ARID1B: variants seen among roughly 807,000 people sequenced by gnomAD.
ARID1B encodes AT-rich interactive domain-containing protein 1B.
Under a neutral mutation model 212.3 loss-of-function variants are expected in ARID1B, and 30 were observed. That is an observed-to-expected ratio of 0.14 (90% CI 0.11 to 0.19). The LOEUF (loss-of-function observed/expected upper bound fraction) is 0.19. ARID1B is among the 10% of genes least tolerant of loss of function. ARID1B has a pLI of 1.00. For missense variants in ARID1B, 2,891 were observed against 3,204.0 expected, an observed-to-expected ratio of 0.90 and a Z score of 2.36; for synonymous variants, 1,402 against 1,301.7, an observed-to-expected ratio of 1.08 and a Z score of -1.66.
chr6:157,105,490 G>T (rs1786396762), intron 5 of ARID1B, among the ~76,000 whole-genome samples: 1 of 152,148 alleles, frequency 6.6e-6, no homozygotes, highest in South Asian at 2.1e-4. Flanking sequence ...AACGTAAGCA[G>T]AAAAATAGGA....
At chr6:156,969,753 C>T (rs1420807596) in intron 4 of ARID1B, among the ~76,000 whole-genome samples, 2 of 152,134 alleles carry the variant, frequency 1.3e-5, no homozygotes, top group African/African-American at 2.4e-5. Flanking sequence ...CTCTGGAACA[C>T]TTATTAAAAT....
chr6:156,969,077 G>A (rs1193236119), intron 4 of ARID1B, among the ~76,000 whole-genome samples: 1 of 152,174 alleles, frequency 6.6e-6, no homozygotes, highest in Non-Finnish European at 1.5e-5. Flanking sequence ...CAGAGGCTGA[G>A]GATTTAACTT....
intron 5 of ARID1B, among the ~76,000 whole-genome samples, chr6:157,097,496 ATT>A (rs141109898): frequency 0.054 from 8,295 of 152,242 alleles, 418 homozygotes; most frequent in Non-Finnish European, 0.073. Context: ...CACGTGCTAT[ATT>A]CTCTTTTAGG....
chr6:156,985,811 T>C (rs1169658832), intron 4 of ARID1B, among the ~76,000 whole-genome samples: 2 of 152,180 alleles, frequency 1.3e-5, no homozygotes, highest in Admixed American at 6.5e-5. Flanking sequence ...TATCTAAATA[T>C]CATCATCCTG....
At chr6:157,114,913 A>G (rs1428433729) in intron 6 of ARID1B, among the ~76,000 whole-genome samples, 4 of 152,120 alleles carry the variant, frequency 2.6e-5, no homozygotes, top group African/African-American at 9.7e-5. Flanking sequence ...AAGTCCCCCC[A>G]GTTTCAAGTA....
intron 2 of ARID1B, among the ~76,000 whole-genome samples, chr6:156,851,427 TC>T (rs1479526022): frequency 1.3e-5 from 2 of 152,254 alleles, no homozygotes; most frequent in Non-Finnish European, 2.9e-5. Context: ...AAGAATGTTT[TC>T]TGGAAGGGAT....
chr6:157,022,122 C>T (rs2128477111), intron 4 of ARID1B, among the ~76,000 whole-genome samples: 1 of 151,698 alleles, frequency 6.6e-6, no homozygotes, highest in Admixed American at 6.6e-5. Context: ...GAGCCCAGGC[C>T]GCCAAGAACA....
chr6:157,070,682 A>G (rs1783956363), intron 4 of ARID1B, among the ~76,000 whole-genome samples: 1 of 152,098 alleles, frequency 6.6e-6, no homozygotes, highest in Non-Finnish European at 1.5e-5. Context: ...CCTGGCCTTT[A>G]TGTGTTTATT....
At chr6:156,884,707 G>A (rs73574057) in intron 2 of ARID1B, among the ~76,000 whole-genome samples, 6,523 of 152,252 alleles carry the variant, frequency 0.043, 495 homozygotes, top group African/African-American at 0.14. Flanking sequence ...GAAGAGCAAT[G>A]GAAAAAGGTT....
At chr6:157,135,962 C>G (rs1168534503) in intron 7 of ARID1B, among the ~76,000 whole-genome samples, 1 of 125,300 alleles carries the variant, frequency 8.0e-6, no homozygotes, top group Non-Finnish European at 1.8e-5. Context: ...TCTGGTTTTG[C>G]TTTTTTAAAG....
chr6:157,197,972 T>C (rs1242986642), intron 16 of ARID1B, among the ~76,000 whole-genome samples: 2 of 152,230 alleles, frequency 1.3e-5, no homozygotes, highest in Admixed American at 1.3e-4. Flanking sequence ...TATTTGTTTT[T>C]ATTATTCTCA....
chr6:156,818,411 A>G (rs1431412450), intron 1 of ARID1B, among the ~76,000 whole-genome samples: 1 of 152,168 alleles, frequency 6.6e-6, no homozygotes, highest in Non-Finnish European at 1.5e-5. Flanking sequence ...TATTGATAAA[A>G]TAGTTGGAAA....
At chr6:157,176,906 A>G (rs1007947573) in intron 11 of ARID1B, among the ~76,000 whole-genome samples, 1 of 152,214 alleles carries the variant, frequency 6.6e-6, no homozygotes, top group Non-Finnish European at 1.5e-5. Flanking sequence ...AGACCATATT[A>G]TATTGTTTAA....
chr6:156,817,595 C>G (rs1782055398), intron 1 of ARID1B, among the ~76,000 whole-genome samples: 2 of 151,706 alleles, frequency 1.3e-5, no homozygotes, highest in Admixed American at 6.6e-5. Flanking sequence ...CCACTGCACT[C>G]CAGCCTGTGT....
chr6:156,969,318 C>T (rs1780254006), intron 4 of ARID1B, among the ~76,000 whole-genome samples: 6 of 152,178 alleles, frequency 3.9e-5, no homozygotes, highest in Admixed American at 3.9e-4. Flanking sequence ...GTCTGTTAGT[C>T]TGGGCTTAAC....
chr6:157,030,111 G>T (rs1369951901), intron 4 of ARID1B, among the ~76,000 whole-genome samples: 3 of 152,198 alleles, frequency 2.0e-5, no homozygotes, highest in African/African-American at 4.8e-5. Context: ...TCAGCTGGGT[G>T]GTTCTGGTTT....
chr6:157,204,171 ACTGTAGT>A, intron 19 of ARID1B, 175 bp downstream of exon 19: 1 of 793,682 alleles, frequency 1.3e-6, no homozygotes, highest in Non-Finnish European at 2.0e-6. Flanking sequence ...GATAATATTC[ACTGTAGT>A]CTTTAGTGTG....
chr6:156,778,729 A>C lies in ARID1B; in HGVS notation c.1049A>C (p.His350Pro), dbSNP rs1778888285. 1 of 1,520,126 alleles carries C rather than the reference A, an allele frequency of 6.6e-7. No homozygotes were observed. The highest frequency in any genetic ancestry group is 2.1e-5 in the Admixed American group (1 of 48,576). 94.2% of individuals were successfully genotyped at this position (1,520,126 alleles called of 1,614,324 possible). The part of the protein sequence containing the change: ...GQQSPGMGMM[H>P]SASAAAAGAP... ...CAAAGCCCCGGGATGGGGATGATGC[A>C]CTCCGCCTCCGCCGCCGCCGCCGGG... Residue 350 changes from histidine (H) to proline (P), a missense_variant, in exon 1 of 20, where the codon CAC becomes CCC. Coordinates refer to ENST00000636930, the MANE Select transcript of ARID1B (RefSeq NM_001374828.1).
chr6:157,009,184 CTA>C (rs10550044), intron 4 of ARID1B, among the ~76,000 whole-genome samples: 5,027 of 152,194 alleles, frequency 0.033, 274 homozygotes, highest in African/African-American at 0.11. Flanking sequence ...TTGTAGGAAA[CTA>C]TAAGTGTTGA....
Sources: allele counts gnomAD v4.1 joint callset (sites outside exome capture counted in the v4.1 genomes callset), GRCh38; gene constraint gnomAD v4.1.1; transcripts MANE v1.5; gene names NCBI Gene and HGNC (gene_info 2026-07-23, HGNC 2026-07-21).